Variants in FOXJ3 observed in about 807,000 individuals in gnomAD.
The protein encoded by FOXJ3 is forkhead box J3.
A neutral mutation model predicts 76.1 loss-of-function variants in FOXJ3; 22 were observed. That is an observed-to-expected ratio of 0.29 (90% confidence interval 0.21 to 0.41). The LOEUF (loss-of-function observed/expected upper bound fraction) is 0.41. Ranked by LOEUF, FOXJ3 falls within the 10% of genes least tolerant of loss-of-function variation. The pLI is 1.00. For missense variants in FOXJ3, 613 were observed against 762.1 expected (o/e 0.80, Z 2.30); for synonymous variants, 269 against 261.2 (o/e 1.03, Z -0.29).
chr1:42,298,972 G>T (rs1226014167), intron 2 of FOXJ3, among the ~76,000 whole-genome samples: 2 of 152,056 alleles, frequency 1.3e-5, no homozygotes, highest in African/African-American at 2.4e-5. Context: ...CTTGGTATTT[G>T]ATTTCTAATT....
chr1:42,209,832 T>C (rs1646931970), intron 5 of FOXJ3, among the ~76,000 whole-genome samples: 1 of 152,136 alleles, frequency 6.6e-6, no homozygotes. Flanking sequence ...CAAATGAGAC[T>C]TGTGATATAA....
intron 7 of FOXJ3, among the ~76,000 whole-genome samples, chr1:42,195,669 G>A (rs1399543796): frequency 1.3e-5 from 2 of 152,154 alleles, no homozygotes; most frequent in Non-Finnish European, 2.9e-5. Context: ...TACATGAAAG[G>A]GTGGTAAACT....
chr1:42,188,532 CA>C (rs1413130935), intron 11 of FOXJ3, among the ~76,000 whole-genome samples: 1 of 152,114 alleles, frequency 6.6e-6, no homozygotes, highest in Non-Finnish European at 1.5e-5. Context: ...ATATAAATCA[CA>C]ACAGAAAAAC....
intron 5 of FOXJ3, among the ~76,000 whole-genome samples, chr1:42,219,654 A>G (rs1327345012): frequency 2.0e-5 from 3 of 152,204 alleles, no homozygotes; most frequent in African/African-American, 7.2e-5. Flanking sequence ...AGCAATCTAA[A>G]GTTTTGGGTG....
chr1:42,231,249 C>A lies in FOXJ3; in HGVS notation c.445-3283G>T, dbSNP rs547160830. Among the ~76,000 whole-genome samples, 12 of 152,194 alleles carry A rather than the reference C, an allele frequency of 7.9e-5. No individual in the cohort carries two copies. The South Asian group carries it at 2.5e-3, about 32-fold the overall frequency. On this transcript the variant is annotated intron_variant, in intron 4 of 12. Coordinates refer to ENST00000361346, the MANE Select transcript of FOXJ3 (RefSeq NM_014947.5). ...GCTGAGGCAGGAGAATGGCGTGAACCCAGAAGGCAGAGCTCGCAGTGAGCC... is the reference window on the plus strand; with the variant it reads ...GCTGAGGCAGGAGAATGGCGTGAACACAGAAGGCAGAGCTCGCAGTGAGCC...
chr1:42,310,987 G>A (rs1008914516), intron 2 of FOXJ3, 63 bp downstream of exon 2: 65 of 944,426 alleles, frequency 6.9e-5, no homozygotes, highest in Middle Eastern at 2.5e-4. Flanking sequence ...GTAATATGAG[G>A]TGACCAGTCT....
chr1:42,236,031 T>C (rs960495308), intron 4 of FOXJ3, among the ~76,000 whole-genome samples: 5 of 152,072 alleles, frequency 3.3e-5, no homozygotes, highest in Admixed American at 6.5e-5. Flanking sequence ...TTAGACAATA[T>C]AGAAATCTCA....
chr1:42,248,728 T>A (rs1230161084), intron 4 of FOXJ3, among the ~76,000 whole-genome samples: 2 of 118,652 alleles, frequency 1.7e-5, no homozygotes, highest in Non-Finnish European at 3.5e-5. Context: ...CTCCTGTTTT[T>A]TCTTTTTTTT....
intron 2 of FOXJ3, among the ~76,000 whole-genome samples, chr1:42,285,993 G>A (rs974333393): frequency 3.3e-5 from 5 of 152,112 alleles, no homozygotes; most frequent in Admixed American, 2.0e-4. Flanking sequence ...TATATTTTCC[G>A]ATATAGTAAA....
intron 4 of FOXJ3, among the ~76,000 whole-genome samples, chr1:42,237,401 CATACATATAT>C (rs1054094995): frequency 2.1e-4 from 10 of 46,864 alleles, no homozygotes; most frequent in South Asian, 1.2e-3. Context: ...TACATACATA[CATACATATAT>C]ATATATATAT....
intron 1 of FOXJ3, among the ~76,000 whole-genome samples, chr1:42,316,761 C>T (rs1344272134): frequency 2.0e-5 from 3 of 152,112 alleles, no homozygotes; most frequent in South Asian, 2.1e-4. Context: ...TTTGTTAAAA[C>T]TATTACACTT....
chr1:42,203,480 T>C (rs1410547145), intron 6 of FOXJ3, among the ~76,000 whole-genome samples: 3 of 152,198 alleles, frequency 2.0e-5, no homozygotes, highest in Non-Finnish European at 2.9e-5. Context: ...TGATCTATTT[T>C]GGTTTGCTCT....
chr1:42,205,206 T>C (rs566691716), intron 6 of FOXJ3, among the ~76,000 whole-genome samples: 1 of 152,302 alleles, frequency 6.6e-6, no homozygotes, highest in East Asian at 1.9e-4. Context: ...GAGACAGATA[T>C]ATACCTGTAT....
At chr1:42,299,985 G>A (rs927271453) in intron 2 of FOXJ3, among the ~76,000 whole-genome samples, 3 of 151,962 alleles carry the variant, frequency 2.0e-5, no homozygotes, top group Admixed American at 6.6e-5. Context: ...GGCGGATCAC[G>A]AGGTCAGGAG....
At chr1:42,188,372 G>A (rs1646478593) in intron 11 of FOXJ3, among the ~76,000 whole-genome samples, 1 of 152,124 alleles carries the variant, frequency 6.6e-6, no homozygotes, top group Non-Finnish European at 1.5e-5. Flanking sequence ...CACAAGACAC[G>A]TTGATTTCCA....
intron 2 of FOXJ3, among the ~76,000 whole-genome samples, chr1:42,292,002 A>G (rs1440062117): frequency 6.6e-6 from 1 of 152,002 alleles, no homozygotes; most frequent in Non-Finnish European, 1.5e-5. Flanking sequence ...GTGGGAGGAA[A>G]GGCAGGAGTG....
chr1:42,308,214 C>T (rs1165359275), intron 2 of FOXJ3, among the ~76,000 whole-genome samples: 1 of 152,122 alleles, frequency 6.6e-6, no homozygotes, highest in East Asian at 1.9e-4. Flanking sequence ...TCTAGATATA[C>T]AGATAGTATA....
At chr1:42,183,155 AG>A (rs2124120755) in intron 11 of FOXJ3, among the ~76,000 whole-genome samples, 1 of 150,748 alleles carries the variant, frequency 6.6e-6, no homozygotes, top group East Asian at 2.0e-4. Flanking sequence ...ATGAGCCTGT[AG>A]TCCCAGCTAC....
chr1:42,323,614 C>G (rs1655560828), intron 1 of FOXJ3: 1 of 690,864 alleles, frequency 1.4e-6, no homozygotes, highest in African/African-American at 2.0e-5. Context: ...AACACTCCCT[C>G]TTCTCAGTAA....
Sources: allele counts gnomAD v4.1 joint callset (sites outside exome capture counted in the v4.1 genomes callset), GRCh38; gene constraint gnomAD v4.1.1; transcripts MANE v1.5; gene names NCBI Gene and HGNC (gene_info 2026-07-23, HGNC 2026-07-21).